STK25: variants seen among roughly 807,000 people sequenced by gnomAD.
STK25 encodes the protein serine/threonine kinase 25.
Under a neutral mutation model 53.8 loss-of-function variants are expected in STK25, and 29 were observed. The observed-to-expected ratio is 0.54, with a 90% CI of 0.40 to 0.74. The LOEUF (loss-of-function observed/expected upper bound fraction) is 0.74, where lower values mean the gene tolerates loss of function less well. Ranked by LOEUF, STK25 falls within the 30% of genes least tolerant of loss-of-function variation. The pLI, the probability that STK25 is intolerant of heterozygous loss-of-function variation, is 0.00. For synonymous variants in STK25, 247 were observed against 238.3 expected (o/e 1.04, Z -0.33); for missense variants, 420 against 568.0 (o/e 0.74, Z 2.65).
rs1272878444 is a variant in STK25, at chr2:241,501,079, T to C, written c.262-283A>G. 1.4e-5 allele frequency: 8 copies of C among 570,780 alleles called. No individual in the cohort carries two copies. Among genetic ancestry groups the C allele is most frequent in the African/African-American group, 3.8e-5 (2 of 53,278 alleles). The allele number at this position is 570,780 out of a possible 1,614,324, so 35.4% of individuals were successfully genotyped here. ...GGCTGCTGATCCAGTCCTACAGGGC[T>C]GGGAAGAGGGCATGGCTGGCAAGCA... On this transcript the variant is annotated intron_variant, in intron 3 of 11. Transcript: ENST00000316586. This position sits in a 1 kb window ranked among gnomAD's most constrained non-coding sequence, Gnocchi z 5.3.
At chr2:241,502,333 C>A (rs887833851) in intron 2 of STK25, among the ~76,000 whole-genome samples, 4 of 152,150 alleles carry the variant, frequency 2.6e-5, no homozygotes, top group Admixed American at 1.3e-4. Context: ...TCATCTAACC[C>A]GAACAACATG....
chr2:241,508,801 G>A, upstream of STK25: 1 of 964,370 alleles, frequency 1.0e-6, no homozygotes, highest in Non-Finnish European at 1.2e-6. Context: ...GCGTCTCCCG[G>A]CAGGCCGCGC....
chr2:241,508,671 C>T (rs2066007422), upstream of STK25: 4 of 985,696 alleles, frequency 4.1e-6, no homozygotes, highest in South Asian at 1.4e-4. Flanking sequence ...ACTCCGGGCC[C>T]GGAAGCCTGC....
chr2:241,493,794 A>G lies in STK25; in HGVS notation c.*1868T>C. The G allele has an allele frequency of 2.0e-6, 1 of 492,790 alleles. No homozygotes were observed. The highest frequency in any genetic ancestry group is 3.5e-5 in the South Asian group (1 of 28,632). The allele number at this position is 492,790 out of a possible 1,614,324, so 30.5% of individuals were successfully genotyped here. ...GTATTTTTAGTAGAGACAGGGTTTC[A>G]CCATGTTGGCCAGGCTGGTCTCGAA... On this transcript the variant is annotated 3_prime_UTR_variant, in exon 12 of 12. Coordinates refer to ENST00000316586, the MANE Select transcript of STK25 (RefSeq NM_001271977.2).
chr2:241,498,517 G>A (rs1574942320), intron 8 of STK25, 122 bp downstream of exon 8: 5 of 1,358,516 alleles, frequency 3.7e-6, no homozygotes, highest in South Asian at 1.4e-5. Context: ...GCCTTGAGGG[G>A]GTCCCTGCCC....
chr2:241,508,707 G>A (rs2066009660), upstream of STK25: 1 of 985,038 alleles, frequency 1.0e-6, no homozygotes, highest in African/African-American at 1.8e-5. Flanking sequence ...AGTCCCGGCA[G>A]GCTGCGCGAG....
In STK25 at chr2:241,508,037, G is replaced by C. The variant is rs375215427; in HGVS notation, c.-2C>G. On this transcript the variant is annotated 5_prime_UTR_variant, in exon 2 of 12. Transcript: ENST00000316586. ...GGCAAATCCCCGGAGGTGAGCCATG[G>C]CCGCGCCGCCTCAGACCCTCCGCCA... 3.5e-5 allele frequency: 56 copies of C among 1,605,002 alleles called. No homozygotes were observed. Among genetic ancestry groups the C allele is most frequent in the Non-Finnish European group, 4.7e-5 (55 of 1,176,950 alleles).
intron 10 of STK25, 114 bp downstream of exon 10, chr2:241,497,502 G>T (rs2065243839): frequency 1.9e-6 from 2 of 1,071,564 alleles, no homozygotes; most frequent in South Asian, 1.5e-5. Context: ...TCAGCTGCAG[G>T]AAAGCTAGAA....
At chr2:241,499,607 C>G (rs2065381919) in intron 5 of STK25, 193 bp from the exon 6 acceptor site, 1 of 657,364 alleles carries the variant, frequency 1.5e-6, no homozygotes, top group East Asian at 2.8e-5. Context: ...AGCAGGAGCC[C>G]AACGGCTCCA....
In STK25 at chr2:241,496,748, AC is replaced by A. The variant is rs1657836046; in HGVS notation, c.1105-215del. On this transcript the variant is annotated intron_variant, in intron 10 of 11. Transcript: ENST00000316586. This position sits in a 1 kb window ranked among gnomAD's most constrained non-coding sequence, Gnocchi z 5.8. ...GACCCTAGTGGTCCTTCCCCACAGC[AC>A]CTACCTTCCCCCTACACTCCGGGGA... 6.6e-6 allele frequency among the ~76,000 whole-genome samples: 1 copy of A among 151,674 alleles called. No individual in the cohort carries two copies. The highest frequency in any genetic ancestry group is 2.4e-5 in the African/African-American group (1 of 41,260).
intron 2 of STK25, among the ~76,000 whole-genome samples, chr2:241,504,520 G>A (rs896028525): frequency 1.4e-4 from 21 of 152,208 alleles, no homozygotes; most frequent in African/African-American, 4.6e-4. Flanking sequence ...CTAAAGAGAA[G>A]CCAGGAAAAA....
chr2:241,494,901 G>A lies in STK25; in HGVS notation c.*761C>T, dbSNP rs35496488. ...TGGGCCAAGCAGAGCCCAGGAATCC[G>A]TCACAGGGAAGTTTCGAAGGGGGGC... On this transcript the variant is annotated 3_prime_UTR_variant, in exon 12 of 12. Transcript: ENST00000316586. This position sits in a 1 kb window ranked among gnomAD's most constrained non-coding sequence, Gnocchi z 4.9. The A allele has an allele frequency of 0.11, 17,092 of 152,042 alleles. 1,225 individuals are homozygous for A. The highest frequency in any genetic ancestry group is 0.15 in the Non-Finnish European group (10,381 of 68,012). The allele number at this position is 152,042 out of a possible 1,614,324, so 9.4% of individuals were successfully genotyped here.
At chr2:241,505,347 A>G (rs1476821242) in intron 2 of STK25, among the ~76,000 whole-genome samples, 1 of 152,028 alleles carries the variant, frequency 6.6e-6, no homozygotes, top group Non-Finnish European at 1.5e-5. Context: ...AGCACCCGGA[A>G]AGACCCCAAG....
chr2:241,503,528 T>C (rs1320183554), intron 2 of STK25, among the ~76,000 whole-genome samples: 1 of 149,492 alleles, frequency 6.7e-6, no homozygotes, highest in African/African-American at 2.5e-5. Flanking sequence ...CTGGCTAACA[T>C]GGTGAAACCC....
At chr2:241,502,264 A>G (rs1486966464) in intron 2 of STK25, among the ~76,000 whole-genome samples, 5 of 152,166 alleles carry the variant, frequency 3.3e-5, no homozygotes, top group Non-Finnish European at 7.4e-5. Flanking sequence ...GGCCAGGCCA[A>G]CTCGATGAAC....
chr2:241,505,257 C>A (rs1479075823), intron 2 of STK25, among the ~76,000 whole-genome samples: 1 of 152,130 alleles, frequency 6.6e-6, no homozygotes, highest in Admixed American at 6.5e-5. Context: ...CCCATCAACG[C>A]TTACTCGGGG....
chr2:241,508,891 G>A (rs910263658), upstream of STK25, among the ~76,000 whole-genome samples: 38 of 152,304 alleles, frequency 2.5e-4, no homozygotes, highest in African/African-American at 8.7e-4. Flanking sequence ...GCGTTTGCTG[G>A]CGCCTGCCAG....
chr2:241,493,081 C>A lies in STK25; in HGVS notation c.*2581G>T. On this transcript the variant is annotated 3_prime_UTR_variant, in exon 12 of 12. Coordinates refer to ENST00000316586, the MANE Select transcript of STK25 (RefSeq NM_001271977.2). ...GCCCAATGCAGGTGATGCTAGCAGA[C>A]AGACACTTAACCCTGCTCACCTGTG... 2 of 1,217,006 alleles carry A rather than the reference C, an allele frequency of 1.6e-6. No individual in the cohort carries two copies. The highest frequency in any genetic ancestry group is 2.4e-6 in the Non-Finnish European group (2 of 817,798). 75.4% of individuals were successfully genotyped at this position (1,217,006 alleles called of 1,614,324 possible).
chr2:241,508,099 G>T lies in STK25; in HGVS notation c.-64C>A, dbSNP rs1204515713. ...AGGCGTCTGGATCCCGCGGAGAGGC[G>T]CGGAGCCGGCTAGCTCGCCCCTGCG... On this transcript the variant is annotated 5_prime_UTR_variant, in exon 2 of 12. Coordinates refer to ENST00000316586, the MANE Select transcript of STK25 (RefSeq NM_001271977.2). 371 of 1,553,106 alleles carry T rather than the reference G, an allele frequency of 2.4e-4. 1 individual carries two copies. Among genetic ancestry groups the T allele is most frequent in the Non-Finnish European group, 3.0e-4 (346 of 1,150,812 alleles).
Sources: gnomAD v4.1 joint callset for allele counts (sites outside exome capture counted in the v4.1 genomes callset) on GRCh38, gnomAD v4.1.1 for gene constraint, Gnocchi (gnomAD v3.1) non-coding constraint, MANE v1.5 for transcripts, NCBI Gene and HGNC (gene_info 2026-07-23, HGNC 2026-07-21) for gene names.